Variants in LRRC4B observed in about 807,000 individuals in gnomAD.
The protein encoded by LRRC4B is leucine-rich repeat-containing protein 4B.
A neutral mutation model predicts 7.3 loss-of-function variants in LRRC4B; 1 was observed. The ratio of observed to expected loss-of-function variants is 0.14; its 90% CI spans 0.05 to 0.65. The LOEUF (loss-of-function observed/expected upper bound fraction) is 0.65, where lower values mean the gene tolerates loss of function less well. Among genes scored for constraint, LRRC4B ranks in the 30% least tolerant of loss-of-function variants. The probability of loss-of-function intolerance (pLI) is 0.84; values close to 1 mark genes in which losing one functional copy is unlikely to be tolerated. For synonymous variants in LRRC4B, 500 were observed against 499.2 expected, an observed-to-expected ratio of 1.00 and a Z score of -0.02; for missense variants, 730 against 1,041.6, an observed-to-expected ratio of 0.70 and a Z score of 4.12.
intron 1 of LRRC4B, among the ~76,000 whole-genome samples, chr19:50,560,941 A>T (rs1042696177): frequency 6.6e-6 from 1 of 152,100 alleles, no homozygotes; most frequent in Non-Finnish European, 1.5e-5. Context: ...AATACAAAAA[A>T]TTAGCCAGGC....
At chr19:50,530,159 C>T (rs368204955) in intron 2 of LRRC4B, among the ~76,000 whole-genome samples, 20 of 152,292 alleles carry the variant, frequency 1.3e-4, no homozygotes, top group African/African-American at 4.8e-4. Flanking sequence ...GGGCCCGCCG[C>T]AGCCTCCTGC....
chr19:50,561,325 T>C (rs1452674801), intron 1 of LRRC4B, among the ~76,000 whole-genome samples: 1 of 152,164 alleles, frequency 6.6e-6, no homozygotes, highest in Non-Finnish European at 1.5e-5. Context: ...CGGTGAGGGC[T>C]GATTCTCTAC....
chr19:50,537,895 G>A lies in LRRC4B; in HGVS notation c.297+10647C>T, dbSNP rs763604663. Among the ~76,000 whole-genome samples the A allele has an allele frequency of 8.5e-5, 13 of 152,130 alleles. No homozygotes were observed. The highest frequency in any genetic ancestry group is 2.0e-4 in the Admixed American group (3 of 15,268). ...CGCAGTTAGACACGAAGTCTCAGCA[G>A]CCCGGGAACGGACGGCAGAGGGCGC... On this transcript the variant is annotated intron_variant, in intron 2 of 2. Transcript: ENST00000652263. The surrounding 1 kb of genome is among the most constrained non-coding windows in gnomAD (Gnocchi z 5.5).
Position 50,548,883 on chromosome 19 carries a change from G to C in LRRC4B, c.-35-10C>G. 8.0e-7 allele frequency: 1 copy of C among 1,254,666 alleles called. No individual in the cohort carries two copies. The highest frequency in any genetic ancestry group is 1.1e-6 in the Non-Finnish European group (1 of 934,812). 77.7% of individuals were successfully genotyped at this position (1,254,666 alleles called of 1,614,324 possible). On this transcript the variant is annotated splice_polypyrimidine_tract_variant and intron_variant, in intron 1 of 2. Transcript: ENST00000652263. The surrounding 1 kb of genome is among the most constrained non-coding windows in gnomAD (Gnocchi z 6.8). ...CGTGGACGCTGGGGGGCTGTGGGTG[G>C]GGGAGAGAAGGGGGAGAGGCTTGGT...
rs1981923836 is a variant in LRRC4B, at chr19:50,548,726, C to T, written c.113G>A (p.Gly38Glu). The T allele has an allele frequency of 6.5e-7, 1 of 1,540,490 alleles. No individual in the cohort carries two copies. Residue 38 changes from glycine (G) to glutamate (E), a missense_variant, in exon 2 of 3, where the codon GGA (glycine) becomes GAA (glutamate). Physicochemically the swap from Gly to Glu is moderately conservative, Grantham distance 98 (BLOSUM62 -2). This residue lies in a region of LRRC4B where 143 missense variants were observed against 158.4 expected (regional missense o/e 0.90). Coordinates refer to ENST00000652263, the MANE Select transcript of LRRC4B (RefSeq NM_001080457.2). This position sits in a 1 kb window ranked among gnomAD's most constrained non-coding sequence, Gnocchi z 6.8. The stretch of plus-strand genomic sequence containing the variant: ...GGCAGACGTCACGGCCACTCCACCT[C>T]CACCGGCCCCCAGGGGTGGGGAGAA... Reference protein sequence around the residue: ...WLFSPPLGAGGGGVAVTSAAG... With the variant: ...WLFSPPLGAGEGGVAVTSAAG...
At chr19:50,543,233 C>T (rs1981631464) in intron 2 of LRRC4B, among the ~76,000 whole-genome samples, 2 of 152,102 alleles carry the variant, frequency 1.3e-5, no homozygotes, top group African/African-American at 4.8e-5. Context: ...CAGGTGGCAG[C>T]GCGGCGGGGG....
intron 1 of LRRC4B, among the ~76,000 whole-genome samples, chr19:50,551,385 G>C (rs904826061): frequency 6.6e-5 from 10 of 151,402 alleles, no homozygotes; most frequent in Admixed American, 2.0e-4. Flanking sequence ...CCCTGGGGGG[G>C]GCTGTCCTTT....
chr19:50,565,078 CA>C (rs1982585694), intron 1 of LRRC4B, among the ~76,000 whole-genome samples: 1 of 152,160 alleles, frequency 6.6e-6, no homozygotes, highest in Admixed American at 6.5e-5. Context: ...GCGAGAGGAA[CA>C]CTCTCAGGGC....
intron 1 of LRRC4B, among the ~76,000 whole-genome samples, chr19:50,550,564 A>G (rs1982012346): frequency 6.6e-6 from 1 of 152,046 alleles, no homozygotes; most frequent in Non-Finnish European, 1.5e-5. Context: ...AGTTTCCAAG[A>G]CCATTTTAAC....
chr19:50,536,796 A>G (rs1360375544), intron 2 of LRRC4B, among the ~76,000 whole-genome samples: 1 of 151,882 alleles, frequency 6.6e-6, no homozygotes, highest in East Asian at 1.9e-4. Flanking sequence ...AGGCAGGGCA[A>G]GTTTCTGGAA....
intron 1 of LRRC4B, among the ~76,000 whole-genome samples, chr19:50,554,753 G>C (rs1412867575): frequency 6.6e-6 from 1 of 152,228 alleles, no homozygotes; most frequent in African/African-American, 2.4e-5. Flanking sequence ...AACCCTCTGA[G>C]AGAAGACTGC....
Position 50,548,430 on chromosome 19 carries a change from T to C in LRRC4B, c.297+112A>G, listed in dbSNP as rs1981903765. The C allele has an allele frequency of 7.8e-6, 11 of 1,403,214 alleles. No individual in the cohort carries two copies. The highest frequency in any genetic ancestry group is 1.1e-5 in the Non-Finnish European group (11 of 1,038,634). The allele number at this position is 1,403,214 out of a possible 1,614,324, so 86.9% of individuals were successfully genotyped here. A position where few individuals can be genotyped will look rare whatever the true frequency, so the allele number is the denominator to read the frequency against. ...CAGACCCGCAGGCCACATCCACAGGTGCCGGAGACGGGGAAGCCCCGGTGT... is the reference window on the plus strand; with the variant it reads ...CAGACCCGCAGGCCACATCCACAGGCGCCGGAGACGGGGAAGCCCCGGTGT... On this transcript the variant is annotated intron_variant, in intron 2 of 2. Coordinates refer to ENST00000652263, the MANE Select transcript of LRRC4B (RefSeq NM_001080457.2). The surrounding 1 kb of genome is among the most constrained non-coding windows in gnomAD (Gnocchi z 6.8).
At chr19:50,550,217 G>A (rs1021292510) in intron 1 of LRRC4B, among the ~76,000 whole-genome samples, 12 of 152,144 alleles carry the variant, frequency 7.9e-5, no homozygotes, top group African/African-American at 2.9e-4. Flanking sequence ...CACAGAGCAG[G>A]CCGGGAGGGC....
rs1753098438 is a variant in LRRC4B, at chr19:50,553,775, T to C, written c.-35-4902A>G. Among the ~76,000 whole-genome samples, 1 of 152,150 alleles carries C rather than the reference T, an allele frequency of 6.6e-6. No individual in the cohort carries two copies. The highest frequency in any genetic ancestry group is 2.1e-4 in the South Asian group (1 of 4,828). On this transcript the variant is annotated intron_variant, in intron 1 of 2. Transcript: ENST00000652263. The surrounding 1 kb of genome is among the most constrained non-coding windows in gnomAD (Gnocchi z 4.2). ...CACAACAGTGCTGGGCACATGGCAG[T>C]TGCTCACCAAACACTGGGTGCAGGG...
intron 1 of LRRC4B, among the ~76,000 whole-genome samples, chr19:50,561,085 C>T (rs962179729): frequency 2.6e-5 from 4 of 151,752 alleles, no homozygotes; most frequent in South Asian, 2.1e-4. Context: ...AGTGAGACTC[C>T]GTCTTAAAAA....
rs1054413713 is a variant in LRRC4B, at chr19:50,556,823, G to T, written c.-35-7950C>A. Among the ~76,000 whole-genome samples the T allele has an allele frequency of 3.3e-5, 5 of 152,136 alleles. No homozygotes were observed. Among genetic ancestry groups the T allele is most frequent in the African/African-American group, 9.7e-5 (4 of 41,430 alleles). On this transcript the variant is annotated intron_variant, in intron 1 of 2. Transcript: ENST00000652263. This position sits in a 1 kb window ranked among gnomAD's most constrained non-coding sequence, Gnocchi z 4.2. ...CCTGGGTCTCTAGGGAGGCAAGTGT[G>T]GGGGTGGGGGAGCCGTCCGAGGGCT... is the stretch of plus-strand genomic sequence containing the variant.
chr19:50,518,275 C>T lies in LRRC4B; in HGVS notation c.1438G>A (p.Gly480Ser). 6.2e-7 allele frequency: 1 copy of T among 1,600,726 alleles called. No homozygotes were observed. The highest frequency in any genetic ancestry group is 8.5e-7 in the Non-Finnish European group (1 of 1,174,264). ...GPGGSGGVGG[G>S]SGGYTYFTTV... ...GTGAAGTAGGTGTAGCCGCCACTGCCCCCTCCAACACCACCACTGCCCCCA... is the reference window on the plus strand; with the variant it reads ...GTGAAGTAGGTGTAGCCGCCACTGCTCCCTCCAACACCACCACTGCCCCCA... The change falls in exon 3 of 3, where the codon GGC (glycine) becomes AGC (serine). Residue 480 changes from glycine to serine, a missense_variant. Gly to Ser is a moderately conservative substitution (Grantham distance 56). Coordinates refer to ENST00000652263, the MANE Select transcript of LRRC4B (RefSeq NM_001080457.2).
intron 1 of LRRC4B, among the ~76,000 whole-genome samples, chr19:50,566,482 G>C (rs1448652895): frequency 6.6e-6 from 1 of 151,782 alleles, no homozygotes; most frequent in East Asian, 2.0e-4. Context: ...CAGAGGCTGC[G>C]GGGAGGGGGC....
intron 2 of LRRC4B, among the ~76,000 whole-genome samples, chr19:50,540,032 T>A (rs1271556666): frequency 6.6e-6 from 1 of 152,198 alleles, no homozygotes; most frequent in Non-Finnish European, 1.5e-5. Context: ...CTCGGTCTTT[T>A]AAAATATATT....
Sources: allele counts gnomAD v4.1 joint callset (sites outside exome capture counted in the v4.1 genomes callset), GRCh38; gene constraint gnomAD v4.1.1; regional missense constraint gnomAD v4.1.1; non-coding constraint Gnocchi (gnomAD v3.1); transcripts MANE v1.5; gene names NCBI Gene and HGNC (gene_info 2026-07-23, HGNC 2026-07-21).